The following TMCO4 variants were observed in gnomAD, a reference collection of about 807,000 sequenced individuals.
TMCO4 encodes the protein transmembrane and coiled-coil domain-containing protein 4.
Under a neutral mutation model 64.7 loss-of-function variants are expected in TMCO4, and 58 were observed. The observed-to-expected ratio is 0.90, with a 90% CI of 0.73 to 1.12. The LOEUF is 1.12. TMCO4 is among the 50% of genes most tolerant of loss of function. TMCO4 has a pLI of 0.00. For synonymous variants in TMCO4, 325 were observed against 346.1 expected, an observed-to-expected ratio of 0.94 and a Z score of 0.68; for missense variants, 780 against 825.9, an observed-to-expected ratio of 0.94 and a Z score of 0.68.
In TMCO4 at chr1:19,745,523, G is replaced by A; in HGVS notation, c.877+9C>T. On this transcript the variant is annotated intron_variant, in intron 10 of 15. Transcript: ENST00000294543. The stretch of plus-strand genomic sequence containing the variant: ...ACCCCCCTCCACTTCTGGTCCTCCT[G>A]GTCCTCACGGTATTTGCCAGAAGCG... 1 of 1,614,056 alleles carries A rather than the reference G, an allele frequency of 6.2e-7. No individual in the cohort carries two copies. Among genetic ancestry groups the A allele is most frequent in the African/African-American group, 1.3e-5 (1 of 75,032 alleles).
intron 2 of TMCO4, among the ~76,000 whole-genome samples, chr1:19,790,424 T>A (rs2043973967): frequency 6.6e-6 from 1 of 151,984 alleles, no homozygotes; most frequent in South Asian, 2.1e-4. Flanking sequence ...ATCCATCTGA[T>A]AAATGTCTAA....
chr1:19,750,117 T>A (rs1191880461), intron 7 of TMCO4: 1 of 152,226 alleles, frequency 6.6e-6, no homozygotes, highest in Non-Finnish European at 1.5e-5. Context: ...TATCACTCTT[T>A]TCATTATTAT....
At chr1:19,776,711 A>G (rs550185585) in intron 4 of TMCO4, among the ~76,000 whole-genome samples, 1 of 152,220 alleles carries the variant, frequency 6.6e-6, no homozygotes, top group South Asian at 2.1e-4. Context: ...GGCAGAACTC[A>G]TCTCCCATGA....
Position 19,771,291 on chromosome 1 carries a change from C to G in TMCO4, c.354+17G>C. 6.2e-7 allele frequency: 1 copy of G among 1,608,838 alleles called. No individual in the cohort carries two copies. Among genetic ancestry groups the G allele is most frequent in the Non-Finnish European group, 8.5e-7 (1 of 1,176,090 alleles). ...GTTCTACTGTCCCCAGCAGCCACCA[C>G]CAGGTGTTGGGTGTACCTGAGTGAT... On this transcript the variant is annotated intron_variant, in intron 5 of 15. Coordinates refer to ENST00000294543, the MANE Select transcript of TMCO4 (RefSeq NM_181719.7).
intron 8 of TMCO4, among the ~76,000 whole-genome samples, chr1:19,746,923 CAAAAAAAAAA>C (rs199888917): frequency 0.022 from 1,089 of 49,856 alleles, 22 homozygotes; most frequent in African/African-American, 0.067. Flanking sequence ...GATACTGTCT[CAAAAAAAAAA>C]AAAAAAAAAA....
At chr1:19,726,996 G>A (rs1421816816) in intron 13 of TMCO4, among the ~76,000 whole-genome samples, 1 of 152,220 alleles carries the variant, frequency 6.6e-6, no homozygotes, top group Non-Finnish European at 1.5e-5. Context: ...CTCAATAACA[G>A]TTGGGAAAAT....
intron 13 of TMCO4, among the ~76,000 whole-genome samples, chr1:19,721,783 T>C (rs2095385029): frequency 6.6e-6 from 1 of 151,284 alleles, no homozygotes; most frequent in African/African-American, 2.5e-5. Flanking sequence ...AGGGAGACCC[T>C]GTCTCAAACA....
chr1:19,788,945 C>T (rs1371543000), intron 2 of TMCO4, among the ~76,000 whole-genome samples: 3 of 152,018 alleles, frequency 2.0e-5, no homozygotes, highest in African/African-American at 7.2e-5. Context: ...TGTGCTGGCA[C>T]GCGCCTGTAG....
intron 7 of TMCO4, among the ~76,000 whole-genome samples, chr1:19,747,501 T>C (rs1232590968): frequency 1.3e-5 from 2 of 151,968 alleles, no homozygotes; most frequent in African/African-American, 2.4e-5. Context: ...CCTAACAGGG[T>C]TGCAATTTGA....
intron 15 of TMCO4, among the ~76,000 whole-genome samples, chr1:19,685,115 AG>A (rs1176112306): frequency 3.3e-5 from 5 of 152,224 alleles, no homozygotes; most frequent in African/African-American, 1.2e-4. Flanking sequence ...ACTTGAGCCC[AG>A]GAGTTTGAGA....
Position 19,747,189 on chromosome 1 carries a change from G to T in TMCO4, c.587C>A (p.Ala196Glu), listed in dbSNP as rs144168723. The T allele has an allele frequency of 2.5e-6, 4 of 1,613,868 alleles. No homozygotes were observed. Among genetic ancestry groups the T allele is most frequent in the Non-Finnish European group, 3.4e-6 (4 of 1,179,922 alleles). ...KWKRYLLIGL[A>E]TVGGGTVIGV... is the part of the protein sequence containing the mutation. The stretch of plus-strand genomic sequence containing the variant: ...GATCACCGTTCCGCCTCCGACAGTC[G>T]CCAGGCCTATCAGGAGATAACGCTT... The change falls in exon 8 of 16, where the codon GCG (alanine) becomes GAG (glutamate). Residue 196 changes from alanine (A) to glutamate (E), a missense_variant. By Grantham distance (107) the Ala-to-Glu change is moderately radical (BLOSUM62 -1). Coordinates refer to ENST00000294543, the MANE Select transcript of TMCO4 (RefSeq NM_181719.7).
chr1:19,737,569 T>C (rs2095460974), intron 12 of TMCO4, 113 bp from the exon 13 acceptor site: 12 of 893,204 alleles, frequency 1.3e-5, no homozygotes, highest in Non-Finnish European at 1.9e-5. Context: ...TCTCATCTAA[T>C]GAATCATGCA....
intron 13 of TMCO4, among the ~76,000 whole-genome samples, chr1:19,712,702 A>G (rs2095336929): frequency 6.6e-6 from 1 of 152,228 alleles, no homozygotes; most frequent in African/African-American, 2.4e-5. Flanking sequence ...AGGTGAGCAC[A>G]TGTACTAGTG....
chr1:19,765,196 T>C (rs970225374), intron 6 of TMCO4, among the ~76,000 whole-genome samples: 11 of 152,130 alleles, frequency 7.2e-5, no homozygotes, highest in Non-Finnish European at 1.5e-4. Context: ...TTTTGAAACT[T>C]ACTTTGAAAT....
intron 6 of TMCO4, among the ~76,000 whole-genome samples, chr1:19,760,586 T>C (rs763430657): frequency 5.9e-5 from 9 of 152,148 alleles, no homozygotes; most frequent in Non-Finnish European, 8.8e-5. Flanking sequence ...TCTGATAATA[T>C]ATATATATCT....
At chr1:19,791,773 C>T (rs1338349768) in intron 2 of TMCO4, among the ~76,000 whole-genome samples, 1 of 152,180 alleles carries the variant, frequency 6.6e-6, no homozygotes, top group Non-Finnish European at 1.5e-5. Context: ...GAGTCACTGA[C>T]GGAAGGAGGA....
intron 13 of TMCO4, among the ~76,000 whole-genome samples, chr1:19,731,885 G>C (rs2095431581): frequency 6.6e-6 from 1 of 152,112 alleles, no homozygotes; most frequent in Non-Finnish European, 1.5e-5. Context: ...GTGATCTTTT[G>C]TTTCCAACTC....
At position 19,780,705 on chromosome 1, in the gene TMCO4, A is replaced by AGCTACC; in HGVS notation, c.48_53dup (p.Val17_Ala18dup). 6.2e-7 allele frequency: 1 copy of AGCTACC among 1,612,408 alleles called. No homozygotes were observed. Among genetic ancestry groups the AGCTACC allele is most frequent in the Non-Finnish European group, 8.5e-7 (1 of 1,179,536 alleles). On this transcript the variant is annotated inframe_insertion, in exon 4 of 16. Transcript: ENST00000294543. ...GTGGCTCCCCCTCTGCAGTGGGCTC[A>AGCTACC]GCTACCAGAGGCTGCTGAGGCAGCC...
chr1:19,713,797 T>C (rs978273872), intron 13 of TMCO4, among the ~76,000 whole-genome samples: 20 of 152,174 alleles, frequency 1.3e-4, no homozygotes, highest in African/African-American at 4.1e-4. Flanking sequence ...AGCCAATAAA[T>C]TATCTCTCTC....
Sources: gnomAD v4.1 joint callset for allele counts (sites outside exome capture counted in the v4.1 genomes callset) on GRCh38, gnomAD v4.1.1 for gene constraint, MANE v1.5 for transcripts, NCBI Gene and HGNC (gene_info 2026-07-23, HGNC 2026-07-21) for gene names.